Variants in RBFOX1 observed in about 807,000 individuals in gnomAD.
RBFOX1 encodes the protein RNA binding protein fox-1 homolog 1.
A neutral mutation model predicts 57.7 loss-of-function variants in RBFOX1; 8 were observed. The observed-to-expected ratio is 0.14, with a 90% CI of 0.08 to 0.25. The LOEUF (loss-of-function observed/expected upper bound fraction) is 0.25, where lower values mean the gene tolerates loss of function less well. Ranked by LOEUF, RBFOX1 falls within the 10% of genes least tolerant of loss-of-function variation. The probability of loss-of-function intolerance (pLI) is 1.00; values close to 1 mark genes in which losing one functional copy is unlikely to be tolerated. For missense variants in RBFOX1, 611 were observed against 548.5 expected, an observed-to-expected ratio of 1.11 and a Z score of -1.14; for synonymous variants, 326 against 222.4, an observed-to-expected ratio of 1.47 and a Z score of -4.15.
chr16:7,410,102 A>T (rs1379746893), intron 4 of RBFOX1, among the ~76,000 whole-genome samples: 3 of 152,206 alleles, frequency 2.0e-5, no homozygotes, highest in Non-Finnish European at 4.4e-5. Flanking sequence ...GATTGAACAT[A>T]GGAAATTGCT....
chr16:7,601,237 T>G (rs1165330602), intron 9 of RBFOX1, among the ~76,000 whole-genome samples: 2 of 152,226 alleles, frequency 1.3e-5, no homozygotes, highest in African/African-American at 4.8e-5. Flanking sequence ...GGAAGTTGTT[T>G]AAACTCTCCA....
At chr16:7,611,903 A>G (rs974798846) in intron 10 of RBFOX1, among the ~76,000 whole-genome samples, 2 of 152,176 alleles carry the variant, frequency 1.3e-5, no homozygotes, top group African/African-American at 4.8e-5. Context: ...ACATCAGCAC[A>G]TCCCATGACA....
rs535565684 is a variant in RBFOX1, at chr16:7,458,323, C to T, written c.28-59824C>T. On this transcript the variant is annotated intron_variant, in intron 4 of 15. Coordinates refer to ENST00000550418, the MANE Select transcript of RBFOX1 (RefSeq NM_018723.4). ...TCTCTCTGCCTTCCCCTAAGTCTGC[C>T]GTGTCCCTGGGCCAGTCCACTTTGT... Among the ~76,000 whole-genome samples, 4 of 152,214 alleles carry T rather than the reference C, an allele frequency of 2.6e-5. No individual in the cohort carries two copies. The East Asian group carries it at 5.8e-4, about 22-fold the overall frequency.
intron 2 of RBFOX1, among the ~76,000 whole-genome samples, chr16:6,442,874 T>C (rs972251396): frequency 5.9e-5 from 9 of 152,202 alleles, no homozygotes; most frequent in African/African-American, 2.2e-4. Flanking sequence ...TGATATCAGT[T>C]TGGTGCAAAA....
chr16:6,906,779 G>A (rs1416067881), intron 3 of RBFOX1, among the ~76,000 whole-genome samples: 1 of 149,694 alleles, frequency 6.7e-6, no homozygotes, highest in Non-Finnish European at 1.5e-5. Flanking sequence ...CTGGAGTACA[G>A]TGGTGAAATT....
At chr16:7,207,784 T>A (rs915927469) in intron 4 of RBFOX1, among the ~76,000 whole-genome samples, 1 of 152,222 alleles carries the variant, frequency 6.6e-6, no homozygotes, top group Non-Finnish European at 1.5e-5. Context: ...TTCATGTAGC[T>A]TCTCCTAGAA....
chr16:7,644,991 G>C (rs1395030108), intron 11 of RBFOX1, among the ~76,000 whole-genome samples: 1 of 152,184 alleles, frequency 6.6e-6, no homozygotes, highest in Non-Finnish European at 1.5e-5. Flanking sequence ...AGAAAAAAGA[G>C]ACATTTTAGC....
chr16:6,609,741 G>C (rs549970942), intron 2 of RBFOX1, among the ~76,000 whole-genome samples: 70 of 152,252 alleles, frequency 4.6e-4, no homozygotes, highest in African/African-American at 1.6e-3. Flanking sequence ...CAGGCATGGT[G>C]AATCAGGCCT....
intron 2 of RBFOX1, among the ~76,000 whole-genome samples, chr16:5,478,606 A>G (rs182759967): frequency 3.3e-5 from 5 of 152,324 alleles, no homozygotes; most frequent in Non-Finnish European, 7.4e-5. Flanking sequence ...TGACCCCCCA[A>G]GATTCCGATG....
chr16:7,237,759 A>G (rs923555906), intron 4 of RBFOX1, among the ~76,000 whole-genome samples: 6 of 152,182 alleles, frequency 3.9e-5, no homozygotes, highest in Non-Finnish European at 7.3e-5. Flanking sequence ...CAATCCCAAC[A>G]CTTTGGGAGG....
At chr16:6,892,480 G>A (rs2065688021) in intron 3 of RBFOX1, among the ~76,000 whole-genome samples, 1 of 152,064 alleles carries the variant, frequency 6.6e-6, no homozygotes, top group Admixed American at 6.6e-5. Context: ...GACCAGCCTG[G>A]CCAACACGGT....
At chr16:6,590,661 C>G (rs946127529) in intron 2 of RBFOX1, among the ~76,000 whole-genome samples, 1 of 152,174 alleles carries the variant, frequency 6.6e-6, no homozygotes, top group Non-Finnish European at 1.5e-5. Context: ...TCCCTGCATT[C>G]AGAGGATATT....
intron 2 of RBFOX1, among the ~76,000 whole-genome samples, chr16:6,639,064 G>A (rs2098466192): frequency 6.6e-6 from 1 of 152,210 alleles, no homozygotes; most frequent in South Asian, 2.1e-4. Context: ...ACAAAGCTTA[G>A]CCATCGTTTC....
intron 1 of RBFOX1, among the ~76,000 whole-genome samples, chr16:5,344,197 T>C (rs1277474245): frequency 6.6e-6 from 1 of 152,240 alleles, no homozygotes; most frequent in Non-Finnish European, 1.5e-5. Flanking sequence ...TCTGCAAATG[T>C]CTGCTGCTGT....
At chr16:6,224,847 C>G (rs2097403925) in intron 1 of RBFOX1, among the ~76,000 whole-genome samples, 1 of 151,840 alleles carries the variant, frequency 6.6e-6, no homozygotes, top group African/African-American at 2.4e-5. Context: ...ATGGGAAACC[C>G]CATCTCTATT....
At chr16:7,498,653 C>G (rs61207921) in intron 4 of RBFOX1, among the ~76,000 whole-genome samples, 16,813 of 152,202 alleles carry the variant, frequency 0.11, 998 homozygotes, top group East Asian at 0.21. Context: ...TGTATGACGT[C>G]TCTGAAATCT....
chr16:5,891,737 G>A (rs1440100205), intron 4 of RBFOX1, among the ~76,000 whole-genome samples: 1 of 152,162 alleles, frequency 6.6e-6, no homozygotes, highest in African/African-American at 2.4e-5. Flanking sequence ...AAAGGGCTGT[G>A]GGGCCCAGAA....
At chr16:6,684,347 T>C (rs1603405807) in intron 3 of RBFOX1, among the ~76,000 whole-genome samples, 1 of 152,280 alleles carries the variant, frequency 6.6e-6, no homozygotes, top group South Asian at 2.1e-4. Flanking sequence ...TTTTATATAG[T>C]TTTTGATTTT....
chr16:6,143,959 C>CTATATATATA (rs71142686), intron 1 of RBFOX1, among the ~76,000 whole-genome samples: 1,406 of 139,764 alleles, frequency 0.01, 12 homozygotes, highest in African/African-American at 0.015. Flanking sequence ...CCATACTCAG[C>CTATATATATA]TATATATATA....
Sources: gnomAD v4.1 joint callset for allele counts (sites outside exome capture counted in the v4.1 genomes callset) on GRCh38, gnomAD v4.1.1 for gene constraint, MANE v1.5 for transcripts, NCBI Gene and HGNC (gene_info 2026-07-23, HGNC 2026-07-21) for gene names.